Variants in ANO1 observed in about 807,000 individuals in gnomAD.
ANO1 encodes anoctamin-1.
In ANO1, 59 loss-of-function variants were observed where a neutral mutation model predicts 124.0. The ratio of observed to expected loss-of-function variants is 0.48; its 90% confidence interval spans 0.39 to 0.59. ANO1 has a LOEUF of 0.59. Among genes scored for constraint, ANO1 ranks in the 20% least tolerant of loss-of-function variants. The pLI, the probability that ANO1 is intolerant of heterozygous loss-of-function variation, is 0.00. For missense variants in ANO1, 1,059 were observed against 1,328.0 expected (o/e 0.80, Z 3.15); for synonymous variants, 529 against 532.0 (o/e 0.99, Z 0.08).
intron 11 of ANO1, among the ~76,000 whole-genome samples, chr11:70,140,012 G>A (rs2047091755): frequency 6.6e-6 from 1 of 152,196 alleles, no homozygotes; most frequent in Non-Finnish European, 1.5e-5. Flanking sequence ...TTTGGGAGCT[G>A]CGCTGAGGAC....
At chr11:69,979,812 C>T in the ANO1 span, among the ~76,000 whole-genome samples, 2 of 152,140 alleles carry the variant, frequency 1.3e-5, no homozygotes, top group Admixed American at 6.5e-5. Context: ...GTGGTGAGAA[C>T]GTAGTTCACT....
intron 8 of ANO1, among the ~76,000 whole-genome samples, chr11:70,118,183 C>T (rs1291129059): frequency 6.6e-6 from 1 of 151,830 alleles, no homozygotes; most frequent in African/African-American, 2.4e-5. Flanking sequence ...GGCCCCTGAA[C>T]CCTACCCCCT....
chr11:70,146,434 C>T (rs185910376), intron 11 of ANO1, among the ~76,000 whole-genome samples: 52 of 152,130 alleles, frequency 3.4e-4, no homozygotes, highest in Admixed American at 3.1e-3. Flanking sequence ...GAGGGCGAGC[C>T]GGAGCGGTAG....
chr11:69,971,100 G>T, the ANO1 span, among the ~76,000 whole-genome samples: 1 of 152,198 alleles, frequency 6.6e-6, no homozygotes, highest in Non-Finnish European at 1.5e-5. Context: ...AATATTGGGG[G>T]TGGGGAGGAG....
Position 70,153,081 on chromosome 11 carries a change from G to A in ANO1, c.1378G>A (p.Ala460Thr), listed in dbSNP as rs762424655. The A allele has an allele frequency of 2.5e-6, 4 of 1,607,648 alleles. No individual in the cohort carries two copies. Among genetic ancestry groups the A allele is most frequent in the Non-Finnish European group, 3.4e-6 (4 of 1,177,122 alleles). Residue 460 changes from alanine (A) to threonine (T), a missense_variant, in exon 14 of 26, where the codon GCC (alanine) becomes ACC (threonine). Physicochemically the swap from Ala to Thr is moderately conservative, Grantham distance 58. Coordinates refer to ENST00000355303, the MANE Select transcript of ANO1 (RefSeq NM_018043.7). ...GGATCATCCTAGAGCTGAATACGAA[G>A]CCAGAGTCTTGGAGAAGTCTCTGAA... is the stretch of plus-strand genomic sequence containing the variant. ...VKDHPRAEYE[A>T]RVLEKSLKKE...
At chr11:70,037,758 C>A (rs1156284457) in intron 1 of ANO1, among the ~76,000 whole-genome samples, 1 of 152,126 alleles carries the variant, frequency 6.6e-6, no homozygotes, top group Admixed American at 6.5e-5. Flanking sequence ...TGAGTACTCA[C>A]TAGGCGCTGG....
intron 22 of ANO1, among the ~76,000 whole-genome samples, chr11:70,174,408 A>C (rs957652757): frequency 6.6e-6 from 1 of 152,034 alleles, no homozygotes; most frequent in Non-Finnish European, 1.5e-5. Flanking sequence ...AAATAAATTT[A>C]AAAAGCCATT....
In ANO1 at chr11:70,010,179, G is replaced by GTATGTGTGTGTATA. The variant is rs1188271051; in HGVS notation, c.58+24016_58+24017insGTGTGTGTATATAT. On this transcript the variant is annotated intron_variant, in intron 1 of 27. Transcript: ENST00000531349. ...TGTGTGTGTGTGCGCGTGTGTGTGT[G>GTATGTGTGTGTATA]TATATATATATATATATATCACATT... Among the ~76,000 whole-genome samples the GTATGTGTGTGTATA allele has an allele frequency of 2.4e-4, 20 of 83,784 alleles. 3 individuals are homozygous for GTATGTGTGTGTATA. In the East Asian group the frequency reaches 3.5e-3, roughly 14 times the overall value. 55.0% of individuals were successfully genotyped at this position (83,784 alleles called of 152,430 possible). A position where few individuals can be genotyped will look rare whatever the true frequency, so the allele number is the denominator to read the frequency against.
intron 1 of ANO1, among the ~76,000 whole-genome samples, chr11:70,000,120 C>G (rs187589223): frequency 7.2e-4 from 109 of 152,250 alleles, no homozygotes; most frequent in African/African-American, 2.6e-3. Flanking sequence ...AGTGAGGTCA[C>G]TTTTTGGATG....
At chr11:70,045,011 C>T (rs1555005414) in intron 1 of ANO1, among the ~76,000 whole-genome samples, 1 of 152,144 alleles carries the variant, frequency 6.6e-6, no homozygotes, top group Non-Finnish European at 1.5e-5. Context: ...ATTACACTCC[C>T]ATGTTTTAGG....
At chr11:70,153,182 A>G (rs1199639232) in intron 14 of ANO1, 54 bp downstream of exon 14, 1 of 1,443,468 alleles carries the variant, frequency 6.9e-7, no homozygotes, top group Non-Finnish European at 9.6e-7. Context: ...TGTGTTCATC[A>G]ACCATGTAGA....
At chr11:69,966,269 T>A in the ANO1 span, among the ~76,000 whole-genome samples, 1 of 152,178 alleles carries the variant, frequency 6.6e-6, no homozygotes, top group Non-Finnish European at 1.5e-5. Flanking sequence ...CACAGCTAAA[T>A]GATCATGGGA....
chr11:69,980,976 C>A (rs557502588), upstream of ANO1, among the ~76,000 whole-genome samples: 5 of 152,114 alleles, frequency 3.3e-5, no homozygotes, highest in Non-Finnish European at 5.9e-5. Flanking sequence ...CGCTTGAACC[C>A]GGGAGGTGGA....
At chr11:70,024,994 G>A (rs1856866946) in intron 1 of ANO1, among the ~76,000 whole-genome samples, 1 of 152,208 alleles carries the variant, frequency 6.6e-6, no homozygotes, top group Admixed American at 6.5e-5. Flanking sequence ...GAAATGCTGG[G>A]CTCCAGTGAC....
Position 70,161,433 on chromosome 11 carries a change from T to C in ANO1, c.1780+71T>C. ...GGAGTCGCCTGCCTCTTGCTGTGCA[T>C]CCTTGAGTTTGTTGCTTAACTTCTC... On this transcript the variant is annotated intron_variant, in intron 17 of 25. Transcript: ENST00000355303. 1.9e-6 allele frequency: 3 copies of C among 1,539,494 alleles called. No individual in the cohort carries two copies. In the South Asian group the frequency reaches 3.4e-5, roughly 17 times the overall value.
chr11:70,187,748 T>C lies in ANO1; in HGVS notation c.2705T>C (p.Met902Thr). The C allele has an allele frequency of 1.2e-6, 2 of 1,608,250 alleles. No homozygotes were observed. Among genetic ancestry groups the C allele is most frequent in the Non-Finnish European group, 1.7e-6 (2 of 1,177,602 alleles). ...AFVIVFQNLV[M>T]FMSDFVDWVI... ...TGCCTCTCCTTCCAGAACCTGGTCA[T>C]GTTCATGAGCGACTTTGTGGACTGG... is the stretch of plus-strand genomic sequence containing the variant. Residue 902 changes from methionine to threonine, a missense_variant, in exon 26 of 26, where the codon ATG (methionine) becomes ACG (threonine). Met to Thr is a moderately conservative substitution (Grantham distance 81, BLOSUM62 -1). Transcript: ENST00000355303.
At chr11:69,971,839 T>A in the ANO1 span, among the ~76,000 whole-genome samples, 2 of 152,116 alleles carry the variant, frequency 1.3e-5, no homozygotes, top group Non-Finnish European at 2.9e-5. Flanking sequence ...GTGACTCTTA[T>A]CCCATCCTTA....
At chr11:70,099,170 A>G (rs1480430234) in intron 2 of ANO1, among the ~76,000 whole-genome samples, 1 of 152,116 alleles carries the variant, frequency 6.6e-6, no homozygotes. Context: ...GTCGGGGCAG[A>G]ATGCACTCCT....
chr11:70,116,596 TCCAGGGCCTCC>T (rs2045985541), intron 8 of ANO1, 97 bp downstream of exon 8: 1 of 1,249,148 alleles, frequency 8.0e-7, no homozygotes, highest in Admixed American at 2.0e-5. Flanking sequence ...CTTACCGGCC[TCCAGGGCCTCC>T]CCAGGGCGCT....
Sources: allele counts gnomAD v4.1 joint callset (sites outside exome capture counted in the v4.1 genomes callset), GRCh38; gene constraint gnomAD v4.1.1; transcripts MANE v1.5; gene names NCBI Gene and HGNC (gene_info 2026-07-23, HGNC 2026-07-21).